LNX1: variants seen among roughly 807,000 people sequenced by gnomAD.
LNX1 encodes ligand of numb-protein X 1.
A neutral mutation model predicts 68.4 loss-of-function variants in LNX1; 54 were observed. The ratio of observed to expected loss-of-function variants is 0.79; its 90% CI spans 0.63 to 0.99. LNX1 has a LOEUF of 0.99. Ranked by LOEUF, LNX1 falls within the 50% of genes least tolerant of loss-of-function variation. The pLI, the probability that LNX1 is intolerant of heterozygous loss-of-function variation, is 0.00. For missense variants in LNX1, 906 were observed against 926.4 expected (o/e 0.98, Z 0.29); for synonymous variants, 336 against 350.0 (o/e 0.96, Z 0.45).
At position 53,478,740 on chromosome 4, in the gene LNX1, G is replaced by T. The variant is rs143600488; in HGVS notation, c.1488C>A (p.Pro496=). Residue 496 remains proline (P), a splice_region_variant and synonymous_variant, in exon 8 of 11, where the codon CCC becomes CCA. Coordinates refer to ENST00000263925, the MANE Select transcript of LNX1 (RefSeq NM_001126328.3). ...CATGACAAGTAATTGTAGGATGGAG[G>T]GGCTGAAGGCACAGATGGAAAAACA... The part of the protein sequence containing the change: ...GPGERSNTPK[P]LHPTITCHEK... The T allele has an allele frequency of 6.8e-6, 11 of 1,612,700 alleles. No homozygotes were observed. The African/African-American group carries it at 1.5e-4, about 22-fold the overall frequency.
At chr4:53,600,429 T>C (rs1449416216) in intron 2 of LNX1, among the ~76,000 whole-genome samples, 1 of 152,184 alleles carries the variant, frequency 6.6e-6, no homozygotes, top group Admixed American at 6.5e-5. Flanking sequence ...GAAAGTGTTT[T>C]CCTTCCCAGG....
At chr4:53,591,141 G>C (rs1732481995) in intron 1 of LNX1, among the ~76,000 whole-genome samples, 1 of 152,212 alleles carries the variant, frequency 6.6e-6, no homozygotes, top group Non-Finnish European at 1.5e-5. Context: ...ACGAGGACAA[G>C]CACAGGCTGG....
chr4:53,496,479 T>A (rs2109471040), intron 5 of LNX1, 85 bp from the exon 6 acceptor site: 1 of 1,477,436 alleles, frequency 6.8e-7, no homozygotes, highest in East Asian at 2.4e-5. Flanking sequence ...AAAGCCAGGA[T>A]CCTGTCTTTA....
At chr4:53,590,071 C>T (rs544894704) in intron 1 of LNX1, among the ~76,000 whole-genome samples, 7 of 152,164 alleles carry the variant, frequency 4.6e-5, no homozygotes, top group South Asian at 4.2e-4. Flanking sequence ...CAAGTGGTGG[C>T]CAAACCCCCC....
intron 2 of LNX1, among the ~76,000 whole-genome samples, chr4:53,526,385 C>G (rs1452427848): frequency 1.3e-5 from 2 of 152,140 alleles, no homozygotes; most frequent in East Asian, 3.9e-4. Flanking sequence ...ACCAACTGAT[C>G]AAACCACCAA....
chr4:53,648,173 C>T (rs1734960676), intron 1 of LNX1, among the ~76,000 whole-genome samples: 1 of 152,164 alleles, frequency 6.6e-6, no homozygotes. Context: ...TTTGGTGAAC[C>T]ACCATACCAT....
chr4:53,593,852 A>G (rs1017397471), upstream of LNX1: 1 of 152,172 alleles, frequency 6.6e-6, no homozygotes, highest in African/African-American at 2.4e-5. Context: ...CAGCTGGGAA[A>G]ACCAAGACAT....
intron 1 of LNX1, among the ~76,000 whole-genome samples, chr4:53,635,212 A>T (rs1429098937): frequency 1.3e-5 from 2 of 152,126 alleles, no homozygotes; most frequent in African/African-American, 4.8e-5. Context: ...TGGGGTGAGG[A>T]TGGGCAGAAT....
intron 8 of LNX1, 122 bp downstream of exon 8, chr4:53,478,443 A>G: frequency 1.1e-6 from 1 of 869,920 alleles, no homozygotes. Flanking sequence ...AATGGGTAAC[A>G]AAAGTCCTGG....
chr4:53,588,956 G>T (rs964837128), intron 1 of LNX1, among the ~76,000 whole-genome samples: 6 of 152,160 alleles, frequency 3.9e-5, no homozygotes, highest in African/African-American at 1.2e-4. Flanking sequence ...AATGGGTCAT[G>T]AACCTCCTTC....
intron 5 of LNX1, 81 bp downstream of exon 5, chr4:53,498,560 C>A: frequency 1.1e-6 from 1 of 930,058 alleles, no homozygotes; most frequent in South Asian, 1.4e-5. Context: ...CTCATTCATC[C>A]ATCCATCTAT....
intron 1 of LNX1, among the ~76,000 whole-genome samples, chr4:53,648,159 A>AT (rs939121126): frequency 3.2e-4 from 48 of 152,272 alleles, no homozygotes; most frequent in African/African-American, 1.1e-3. Context: ...TCTATTTTTC[A>AT]TTTTTTGGTG....
At chr4:53,558,664 C>A (rs527969219) in intron 2 of LNX1, among the ~76,000 whole-genome samples, 1 of 152,268 alleles carries the variant, frequency 6.6e-6, no homozygotes, top group East Asian at 1.9e-4. Flanking sequence ...TAACAAAGAG[C>A]CTGGATAGAC....
intron 9 of LNX1, among the ~76,000 whole-genome samples, chr4:53,471,068 TCG>T (rs1488650516): frequency 0.029 from 2,229 of 75,838 alleles, 628 homozygotes; most frequent in Middle Eastern, 0.046. Context: ...GCTGGAGGCA[TCG>T]CACTACCTGA....
chr4:53,538,010 A>G (rs1379583604), intron 2 of LNX1, among the ~76,000 whole-genome samples: 1 of 152,240 alleles, frequency 6.6e-6, no homozygotes, highest in Non-Finnish European at 1.5e-5. Flanking sequence ...ATTCTGTCTC[A>G]TTCTGAATAC....
At chr4:53,596,581 C>A (rs561360778) in intron 2 of LNX1, among the ~76,000 whole-genome samples, 1 of 152,158 alleles carries the variant, frequency 6.6e-6, no homozygotes, top group African/African-American at 2.4e-5. Flanking sequence ...GTGGATTATT[C>A]CCAGGGAATT....
At chr4:53,465,970 CA>C (rs1722646691) in intron 9 of LNX1, among the ~76,000 whole-genome samples, 2 of 152,084 alleles carry the variant, frequency 1.3e-5, no homozygotes, top group African/African-American at 4.8e-5. Flanking sequence ...CATCTACTTC[CA>C]GTGACTTTAA....
At chr4:53,635,464 T>C (rs1238402057) in intron 1 of LNX1, among the ~76,000 whole-genome samples, 1 of 152,228 alleles carries the variant, frequency 6.6e-6, no homozygotes, top group Non-Finnish European at 1.5e-5. Context: ...TTTCCTCAAG[T>C]ATTTTATACT....
chr4:53,492,008 A>G (rs1410161955), intron 6 of LNX1, among the ~76,000 whole-genome samples: 1 of 152,096 alleles, frequency 6.6e-6, no homozygotes. Context: ...GCTGGTCTCG[A>G]ACTCCTGACC....
Sources: allele counts gnomAD v4.1 joint callset (sites outside exome capture counted in the v4.1 genomes callset), GRCh38; gene constraint gnomAD v4.1.1; transcripts MANE v1.5; gene names NCBI Gene and HGNC (gene_info 2026-07-23, HGNC 2026-07-21).